PYROXD2: variants seen among roughly 807,000 people sequenced by gnomAD.
PYROXD2 encodes pyridine nucleotide-disulphide oxidoreductase domain 2.
PYROXD2 carries 69 observed loss-of-function variants against 71.1 expected under a neutral mutation model. That is an observed-to-expected ratio of 0.97 (90% CI 0.80 to 1.19). The LOEUF is 1.19. Ranked by LOEUF, PYROXD2 falls within the 50% of genes most tolerant of loss-of-function variation. The pLI is 0.00. For synonymous variants in PYROXD2, 287 were observed against 302.7 expected, an observed-to-expected ratio of 0.95 and a Z score of 0.54; for missense variants, 745 against 748.9, an observed-to-expected ratio of 0.99 and a Z score of 0.06.
At chr10:98,414,912 C>A in intron 1 of PYROXD2, 97 bp downstream of exon 1, 3 of 1,511,570 alleles carry the variant, frequency 2.0e-6, no homozygotes, top group Non-Finnish European at 2.7e-6. Flanking sequence ...GAGGAGAGAG[C>A]AGTGGGGCTT....
intron 4 of PYROXD2, 119 bp from the exon 5 acceptor site, chr10:98,400,376 T>C (rs966688737): frequency 9.9e-6 from 9 of 911,146 alleles, no homozygotes; most frequent in East Asian, 2.7e-5. Flanking sequence ...CCCAAGTGTA[T>C]GGTCCTGGTG....
In PYROXD2 at chr10:98,383,808, T is replaced by C. The variant is rs748989328; in HGVS notation, c.1736A>G (p.Lys579Arg). 1.1e-5 allele frequency: 17 copies of C among 1,613,914 alleles called. No individual in the cohort carries two copies. Among genetic ancestry groups the C allele is most frequent in the Non-Finnish European group, 6.8e-6 (8 of 1,179,940 alleles). Residue 579 changes from lysine (K) to arginine (R), a missense_variant, in exon 16 of 16, where the codon AAG becomes AGG. Lys to Arg is a conservative substitution (Grantham distance 26). Transcript: ENST00000370575. ...AGAGCTGGTTCAGGGTCACATGCTC[T>C]TGAGGTCCCTAAAGGCCACATGTGC... is the stretch of plus-strand genomic sequence containing the variant. ...NAAHVAFRDLKSM is the reference protein window; with the variant it reads ...NAAHVAFRDLRSM
intron 5 of PYROXD2, among the ~76,000 whole-genome samples, chr10:98,398,940 A>G (rs938273318): frequency 1.3e-5 from 2 of 152,180 alleles, no homozygotes; most frequent in African/African-American, 4.8e-5. Context: ...GTTCCAGACC[A>G]GCCTGGGCAA....
At chr10:98,392,343 T>C (rs1842972699) in intron 10 of PYROXD2, 89 bp downstream of exon 10, 1 of 1,546,986 alleles carries the variant, frequency 6.5e-7, no homozygotes, top group African/African-American at 1.4e-5. Flanking sequence ...TCTCACACCC[T>C]GATGCAATCC....
intron 2 of PYROXD2, 82 bp downstream of exon 2, chr10:98,410,857 T>C: frequency 6.5e-7 from 1 of 1,549,006 alleles, no homozygotes; most frequent in Non-Finnish European, 8.7e-7. Flanking sequence ...TTATCCCACC[T>C]GCTTCTTCAC....
intron 1 of PYROXD2, chr10:98,413,806 G>A (rs1400332408): frequency 6.6e-6 from 1 of 152,082 alleles, no homozygotes; most frequent in Non-Finnish European, 1.5e-5. Context: ...TTTGTTTCAC[G>A]ATCATCCTAC....
chr10:98,388,625 T>C (rs1468216298), intron 12 of PYROXD2, 117 bp from the exon 13 acceptor site: 2 of 1,153,300 alleles, frequency 1.7e-6, no homozygotes, highest in East Asian at 5.4e-5. Flanking sequence ...TGGGCGATTG[T>C]CGCTCTACAG....
At chr10:98,397,559 C>T (rs1843233780) in intron 5 of PYROXD2, 61 bp from the exon 6 acceptor site, 1 of 1,475,830 alleles carries the variant, frequency 6.8e-7, no homozygotes, top group Non-Finnish European at 9.0e-7. Context: ...ATGCTGTCCC[C>T]AGATGGCCTG....
intron 1 of PYROXD2, among the ~76,000 whole-genome samples, chr10:98,413,356 A>G (rs1310393851): frequency 2.6e-5 from 4 of 152,252 alleles, no homozygotes. Flanking sequence ...AAATAGCACA[A>G]AAATTGAAGG....
chr10:98,414,746 A>G lies in PYROXD2; in HGVS notation c.127+263T>C, dbSNP rs915105174. The G allele has an allele frequency of 9.5e-5, 42 of 441,406 alleles. No individual in the cohort carries two copies. The Admixed American group carries it at 1.7e-3, about 18-fold the overall frequency. 27.3% of individuals were successfully genotyped at this position (441,406 alleles called of 1,614,324 possible). On this transcript the variant is annotated intron_variant, in intron 1 of 15. Coordinates refer to ENST00000370575, the MANE Select transcript of PYROXD2 (RefSeq NM_032709.3). ...CCTGAGCTCACCTAGTCTTCCTGTC[A>G]TTCTCCATGGGAAGATCCAAGCCCA... is the stretch of plus-strand genomic sequence containing the variant.
chr10:98,408,823 G>A (rs982947326), intron 2 of PYROXD2, among the ~76,000 whole-genome samples: 2 of 152,214 alleles, frequency 1.3e-5, no homozygotes, highest in Non-Finnish European at 2.9e-5. Context: ...CAGCTATTAT[G>A]TGCCAGAAGC....
chr10:98,413,324 T>C (rs1358110263), intron 1 of PYROXD2, among the ~76,000 whole-genome samples: 1 of 152,222 alleles, frequency 6.6e-6, no homozygotes, highest in Non-Finnish European at 1.5e-5. Context: ...AACCTAACAG[T>C]GTTAGCTGTT....
At chr10:98,388,331 G>T in intron 13 of PYROXD2, 23 bp downstream of exon 13, 3 of 1,613,274 alleles carry the variant, frequency 1.9e-6, no homozygotes, top group Non-Finnish European at 2.5e-6. Flanking sequence ...GGCTCTGGAG[G>T]CAGAACGTGC....
chr10:98,390,764 C>G lies in PYROXD2; in HGVS notation c.1136-10G>C, dbSNP rs1323203781. ...AGCCTGTCTACGGCCACTGAGGGAC[C>G]AAAGAGGAGGGTCAGGTCTTAGCCC... is the stretch of plus-strand genomic sequence containing the variant. On this transcript the variant is annotated splice_polypyrimidine_tract_variant and intron_variant, in intron 11 of 15. Transcript: ENST00000370575. 1 of 1,575,232 alleles carries G rather than the reference C, an allele frequency of 6.3e-7. No homozygotes were observed. Among genetic ancestry groups the G allele is most frequent in the Non-Finnish European group, 8.6e-7 (1 of 1,160,058 alleles).
At chr10:98,386,000 G>A (rs1842736757) in intron 14 of PYROXD2, among the ~76,000 whole-genome samples, 1 of 152,142 alleles carries the variant, frequency 6.6e-6, no homozygotes, top group Non-Finnish European at 1.5e-5. Context: ...AGCAGAGCCG[G>A]TTGTGGTGGC....
chr10:98,407,954 T>C lies in PYROXD2; in HGVS notation c.191A>G (p.Glu64Gly), dbSNP rs1211022722. ...QRLGVNTAVFERRHVIGGAAV... is the reference protein window; with the variant it reads ...QRLGVNTAVFGRRHVIGGAAV... ...TGCACCCCCGATCACATGGCGCCTCTCGAAGACGGCGGTGTTCACCCCCAG... is the reference window on the plus strand; with the variant it reads ...TGCACCCCCGATCACATGGCGCCTCCCGAAGACGGCGGTGTTCACCCCCAG... The change falls in exon 3 of 16, where the codon GAG becomes GGG. Residue 64 changes from glutamate to glycine, a missense_variant. Transcript: ENST00000370575. 3 of 1,610,866 alleles carry C rather than the reference T, an allele frequency of 1.9e-6. No individual in the cohort carries two copies. Among genetic ancestry groups the C allele is most frequent in the African/African-American group, 2.7e-5 (2 of 74,886 alleles).
At chr10:98,395,558 G>A in intron 6 of PYROXD2, 106 bp from the exon 7 acceptor site, 1 of 965,622 alleles carries the variant, frequency 1.0e-6, no homozygotes, top group South Asian at 1.4e-5. Context: ...TTCCTGCCAG[G>A]AGGTGGTATA....
intron 1 of PYROXD2, among the ~76,000 whole-genome samples, chr10:98,414,478 G>A (rs552378852): frequency 6.0e-4 from 91 of 152,270 alleles, no homozygotes; most frequent in African/African-American, 2.1e-3. Flanking sequence ...CTGCAGACAC[G>A]CAGTAGGAAC....
rs140815154 is a variant in PYROXD2, at chr10:98,399,693, C to T, written c.471+409G>A. On this transcript the variant is annotated intron_variant, in intron 5 of 15. Coordinates refer to ENST00000370575, the MANE Select transcript of PYROXD2 (RefSeq NM_032709.3). Reference sequence around the variant, plus strand: ...ATTCAGTTTATTTATCCTTAATTTTCTCTGATCTTCCCTCATCCTCCTTTT... The same window carrying T: ...ATTCAGTTTATTTATCCTTAATTTTTTCTGATCTTCCCTCATCCTCCTTTT... Among the ~76,000 whole-genome samples the T allele has an allele frequency of 4.7e-3, 712 of 152,356 alleles. 3 individuals carry two copies. The highest frequency in any genetic ancestry group is 7.8e-3 in the Non-Finnish European group (533 of 68,032).
Sources: gnomAD v4.1 joint callset for allele counts (sites outside exome capture counted in the v4.1 genomes callset) on GRCh38, gnomAD v4.1.1 for gene constraint, MANE v1.5 for transcripts, NCBI Gene and HGNC (gene_info 2026-07-23, HGNC 2026-07-21) for gene names.